The following PHF14 variants were observed in gnomAD, a reference collection of about 807,000 sequenced individuals.
PHF14 encodes PHD finger protein 14.
Under a neutral mutation model 117.9 loss-of-function variants are expected in PHF14, and 55 were observed. That is an observed-to-expected ratio of 0.47 (90% confidence interval 0.38 to 0.58). PHF14 has a LOEUF of 0.58. PHF14 is among the 20% of genes least tolerant of loss of function. The pLI is 0.00. For missense variants in PHF14, 978 were observed against 1,122.2 expected, an observed-to-expected ratio of 0.87 and a Z score of 1.84; for synonymous variants, 409 against 368.6, an observed-to-expected ratio of 1.11 and a Z score of -1.26.
intron 16 of PHF14, among the ~76,000 whole-genome samples, chr7:11,066,235 T>G (rs1441594221): frequency 6.6e-6 from 1 of 152,212 alleles, no homozygotes; most frequent in Non-Finnish European, 1.5e-5. Flanking sequence ...TATTACATTT[T>G]AATTTCAAAT....
At chr7:11,000,334 C>CTTTTTTTTTTTTTT (rs71023882) in intron 4 of PHF14, among the ~76,000 whole-genome samples, 1 of 60,348 alleles carries the variant, frequency 1.7e-5, no homozygotes, top group Non-Finnish European at 3.0e-5. Flanking sequence ...GCTTATTTGC[C>CTTTTTTTTTTTTTT]TTTTTTTTTT....
At chr7:11,056,348 C>T (rs1290250982) in intron 14 of PHF14, among the ~76,000 whole-genome samples, 1 of 152,160 alleles carries the variant, frequency 6.6e-6, no homozygotes, top group Non-Finnish European at 1.5e-5. Flanking sequence ...TTTATAGCAG[C>T]ACTTACTTGT....
At chr7:11,124,272 TA>T (rs954042611) in intron 17 of PHF14, among the ~76,000 whole-genome samples, 18 of 151,916 alleles carry the variant, frequency 1.2e-4, no homozygotes, top group Non-Finnish European at 2.5e-4. Context: ...CAACCTACTT[TA>T]AAAAAAATTA....
intron 3 of PHF14, among the ~76,000 whole-genome samples, chr7:10,984,367 T>C (rs1348942894): frequency 6.6e-6 from 1 of 152,154 alleles, no homozygotes; most frequent in Non-Finnish European, 1.5e-5. Context: ...GAAAAAATAT[T>C]GCCTGCCTTC....
chr7:11,055,340 C>CT (rs1390066889), intron 14 of PHF14, among the ~76,000 whole-genome samples: 7 of 152,300 alleles, frequency 4.6e-5, no homozygotes, highest in African/African-American at 1.7e-4. Flanking sequence ...TCTTTGCACT[C>CT]TAAGTCATGT....
At chr7:11,109,363 T>C (rs1787368396) in intron 16 of PHF14, 2 of 151,546 alleles carry the variant, frequency 1.3e-5, no homozygotes, top group Admixed American at 1.3e-4. Flanking sequence ...GCTAGACCTG[T>C]AGCAGCATAT....
chr7:11,167,596 A>G (rs753599667), intron 17 of PHF14, among the ~76,000 whole-genome samples: 19 of 152,200 alleles, frequency 1.2e-4, no homozygotes, highest in Non-Finnish European at 2.5e-4. Context: ...TGAGGAACAG[A>G]TGGACAAATT....
chr7:11,122,358 C>T (rs1285644243), intron 17 of PHF14, among the ~76,000 whole-genome samples: 1,154 of 76,362 alleles, frequency 0.015, 20 homozygotes, highest in African/African-American at 0.068. Flanking sequence ...TATATACACA[C>T]ACACACACAC....
chr7:10,992,588 A>G (rs1400158655), intron 4 of PHF14, among the ~76,000 whole-genome samples: 1 of 151,910 alleles, frequency 6.6e-6, no homozygotes, highest in African/African-American at 2.4e-5. Context: ...ACTGGAACCC[A>G]GGAGGTGGAG....
At chr7:10,990,899 T>C in intron 4 of PHF14, 52 bp downstream of exon 4, 3 of 1,361,324 alleles carry the variant, frequency 2.2e-6, no homozygotes, top group African/African-American at 1.4e-5. Context: ...TGTGGCTCTT[T>C]TACATTTGTA....
intron 4 of PHF14, among the ~76,000 whole-genome samples, chr7:10,991,759 A>ATTTTTTTTTTTTTTTTT (rs71023881): frequency 7.2e-5 from 8 of 111,038 alleles, no homozygotes; most frequent in East Asian, 2.5e-4. Flanking sequence ...TAATTTTTTA[A>ATTTTTTTTTTTTTTTTT]TTTTTTTTTT....
chr7:11,107,690 C>T (rs1232576354), intron 16 of PHF14: 2 of 670,206 alleles, frequency 3.0e-6, no homozygotes, highest in African/African-American at 3.9e-5. Flanking sequence ...GTATAATAAT[C>T]TGTTTTTATT....
intron 4 of PHF14, among the ~76,000 whole-genome samples, chr7:11,003,973 C>T (rs569369312): frequency 6.6e-6 from 1 of 152,096 alleles, no homozygotes; most frequent in Admixed American, 6.5e-5. Flanking sequence ...CCCAGTTGGG[C>T]TTGGTGGCTC....
chr7:11,009,546 A>G (rs1214559773), intron 4 of PHF14, among the ~76,000 whole-genome samples: 1 of 152,230 alleles, frequency 6.6e-6, no homozygotes, highest in Non-Finnish European at 1.5e-5. Context: ...AAAAGAAAAT[A>G]TGTTTCCCAT....
intron 13 of PHF14, among the ~76,000 whole-genome samples, chr7:11,050,540 G>C (rs1470496141): frequency 6.6e-6 from 1 of 151,962 alleles, no homozygotes; most frequent in Admixed American, 6.6e-5. Context: ...GCCACATATG[G>C]CTATTTAAAT....
chr7:11,013,164 A>G (rs187760860), intron 4 of PHF14, among the ~76,000 whole-genome samples: 92 of 151,970 alleles, frequency 6.1e-4, no homozygotes, highest in African/African-American at 2.0e-3. Flanking sequence ...TATATTTTAT[A>G]TTTTTATTTT....
chr7:11,020,872 G>C (rs1191174562), intron 5 of PHF14, among the ~76,000 whole-genome samples: 1 of 152,122 alleles, frequency 6.6e-6, no homozygotes, highest in Non-Finnish European at 1.5e-5. Flanking sequence ...AGTGAAGACA[G>C]TGAGCCACAC....
intron 4 of PHF14, among the ~76,000 whole-genome samples, chr7:10,994,332 A>C (rs546702663): frequency 6.6e-6 from 1 of 152,252 alleles, no homozygotes; most frequent in Non-Finnish European, 1.5e-5. Flanking sequence ...CTAGTTACTC[A>C]GGAGTCTGAG....
At chr7:11,088,087 C>T (rs1404938055) in intron 16 of PHF14, among the ~76,000 whole-genome samples, 3 of 152,120 alleles carry the variant, frequency 2.0e-5, no homozygotes, top group African/African-American at 4.8e-5. Flanking sequence ...GGACCGCTCT[C>T]GGATATCAAA....
Sources: gnomAD v4.1 joint callset for allele counts (sites outside exome capture counted in the v4.1 genomes callset) on GRCh38, gnomAD v4.1.1 for gene constraint, MANE v1.5 for transcripts, NCBI Gene and HGNC (gene_info 2026-07-23, HGNC 2026-07-21) for gene names.